ADGRL3: variants seen among roughly 807,000 people sequenced by gnomAD.
The protein encoded by ADGRL3 is adhesion G protein-coupled receptor L3, also known as calcium-independent alpha-latrotoxin receptor 3.
In ADGRL3, 62 loss-of-function variants were observed where a neutral mutation model predicts 153.5. The observed-to-expected ratio is 0.40, with a 90% CI of 0.33 to 0.50. The LOEUF is 0.50. Ranked by LOEUF, ADGRL3 falls within the 20% of genes least tolerant of loss-of-function variation. The pLI, the probability that ADGRL3 is intolerant of heterozygous loss-of-function variation, is 0.47. For synonymous variants in ADGRL3, 710 were observed against 672.5 expected (o/e 1.06, Z -0.86); for missense variants, 1,641 against 1,859.4 (o/e 0.88, Z 2.16).
At chr4:61,506,528 G>T (rs987015633) in intron 3 of ADGRL3, among the ~76,000 whole-genome samples, 1 of 152,018 alleles carries the variant, frequency 6.6e-6, no homozygotes, top group Non-Finnish European at 1.5e-5. Context: ...AACATCTTAA[G>T]CTTAGATCAG....
chr4:61,491,891 A>G (rs2098261948), intron 2 of ADGRL3, among the ~76,000 whole-genome samples: 1 of 152,162 alleles, frequency 6.6e-6, no homozygotes, highest in Non-Finnish European at 1.5e-5. Flanking sequence ...ATGGTTTTAA[A>G]TTTTTCAAAT....
intron 6 of ADGRL3, among the ~76,000 whole-genome samples, chr4:61,714,396 A>C (rs1054058634): frequency 2.0e-5 from 3 of 152,142 alleles, no homozygotes; most frequent in African/African-American, 7.2e-5. Flanking sequence ...ACACACACAT[A>C]TTTAGCAGAT....
intron 1 of ADGRL3, among the ~76,000 whole-genome samples, chr4:61,241,122 G>C (rs926349558): frequency 1.3e-5 from 2 of 151,844 alleles, no homozygotes; most frequent in African/African-American, 4.8e-5. Flanking sequence ...GATTTATAGC[G>C]AAGGTATAAA....
chr4:61,409,062 G>A (rs2097045751), intron 2 of ADGRL3, among the ~76,000 whole-genome samples: 2 of 150,470 alleles, frequency 1.3e-5, no homozygotes, highest in Non-Finnish European at 3.0e-5. Context: ...TTCTGCCCCA[G>A]GACTATCTCT....
At chr4:62,021,695 A>G (rs1055085484) in intron 21 of ADGRL3, among the ~76,000 whole-genome samples, 2 of 152,080 alleles carry the variant, frequency 1.3e-5, no homozygotes, top group African/African-American at 4.8e-5. Flanking sequence ...CAATATATCA[A>G]ACTTTTTCAT....
intron 2 of ADGRL3, among the ~76,000 whole-genome samples, chr4:61,436,389 G>A (rs2097445723): frequency 6.6e-6 from 1 of 152,116 alleles, no homozygotes; most frequent in Non-Finnish European, 1.5e-5. Context: ...ATTTATGTCA[G>A]CTGAAAACAT....
At chr4:61,371,393 G>T (rs1365865243) in intron 1 of ADGRL3, among the ~76,000 whole-genome samples, 4 of 151,842 alleles carry the variant, frequency 2.6e-5, no homozygotes, top group African/African-American at 7.3e-5. Context: ...CATGTGTAGC[G>T]CTTCCTTCAG....
At chr4:62,021,457 A>G (rs903836747) in intron 21 of ADGRL3, among the ~76,000 whole-genome samples, 1 of 152,172 alleles carries the variant, frequency 6.6e-6, no homozygotes, top group Non-Finnish European at 1.5e-5. Context: ...ATTAATAAAT[A>G]ATCATGGAAT....
At chr4:61,455,936 C>T (rs1046042218) in intron 2 of ADGRL3, among the ~76,000 whole-genome samples, 31 of 152,094 alleles carry the variant, frequency 2.0e-4, no homozygotes, top group African/African-American at 7.0e-4. Flanking sequence ...CCACCTCAGC[C>T]TCCCAAGTAG....
intron 1 of ADGRL3, among the ~76,000 whole-genome samples, chr4:61,293,726 A>G (rs1011301820): frequency 3.3e-5 from 5 of 152,190 alleles, no homozygotes; most frequent in Admixed American, 2.0e-4. Context: ...TAATAAGCTA[A>G]TCCAACTACA....
intron 8 of ADGRL3, among the ~76,000 whole-genome samples, chr4:61,771,888 A>ATTCTTCTATT (rs1166777244): frequency 6.6e-6 from 1 of 152,234 alleles, no homozygotes; most frequent in African/African-American, 2.4e-5. Context: ...AGAATGACAC[A>ATTCTTCTATT]TGTAGACAAA....
At chr4:61,999,823 A>G (rs1268794582) in intron 21 of ADGRL3, among the ~76,000 whole-genome samples, 1 of 152,208 alleles carries the variant, frequency 6.6e-6, no homozygotes, top group African/African-American at 2.4e-5. Context: ...TAAAAAAGAT[A>G]ACCAAGGAAT....
chr4:61,733,698 AG>A lies in ADGRL3; in HGVS notation c.1399+146del. ...TGTTCTTTGTCTTTGCATCTAAAGA[AG>A]GTTGCTGCTGATCACTTTCAGCTAT... is the stretch of plus-strand genomic sequence containing the variant. On this transcript the variant is annotated intron_variant, in intron 8 of 26. Coordinates refer to ENST00000683033, the MANE Select transcript of ADGRL3 (RefSeq NM_001387552.1). 1.1e-5 allele frequency: 7 copies of A among 647,984 alleles called. No homozygotes were observed. In the South Asian group the frequency reaches 1.4e-4, roughly 13 times the overall value. The allele number at this position is 647,984 out of a possible 1,614,324, so 40.1% of individuals were successfully genotyped here.
intron 23 of ADGRL3, among the ~76,000 whole-genome samples, chr4:62,032,812 T>A (rs1168920305): frequency 6.6e-6 from 1 of 151,548 alleles, no homozygotes; most frequent in East Asian, 1.9e-4. Context: ...CTAAAATGTG[T>A]TGACATGATC....
At chr4:61,918,916 CGT>C (rs961466672) in intron 13 of ADGRL3, among the ~76,000 whole-genome samples, 87 of 152,276 alleles carry the variant, frequency 5.7e-4, no homozygotes, top group African/African-American at 2.0e-3. Flanking sequence ...GTTTTACTTG[CGT>C]GCCTTTGGTG....
chr4:61,792,786 C>A (rs1300532370), intron 8 of ADGRL3, among the ~76,000 whole-genome samples: 1 of 152,072 alleles, frequency 6.6e-6, no homozygotes, highest in Non-Finnish European at 1.5e-5. Context: ...CAGTGCCTGG[C>A]CACTTTCCCA....
chr4:61,525,457 G>A (rs1205141183), intron 4 of ADGRL3, among the ~76,000 whole-genome samples: 4 of 152,122 alleles, frequency 2.6e-5, no homozygotes, highest in Non-Finnish European at 5.9e-5. Context: ...TACCTTAGAA[G>A]GGGGTCTTAA....
In ADGRL3 at chr4:61,811,657, A is replaced by G. The variant is rs557313579; in HGVS notation, c.1400-2152A>G. Among the ~76,000 whole-genome samples, 8 of 152,300 alleles carry G rather than the reference A, an allele frequency of 5.3e-5. No individual in the cohort carries two copies. In the South Asian group the frequency reaches 1.4e-3, roughly 28 times the overall value. On this transcript the variant is annotated intron_variant, in intron 8 of 26. Coordinates refer to ENST00000683033, the MANE Select transcript of ADGRL3 (RefSeq NM_001387552.1). ...TGTGAATTATGCTTAATTCAGATAT[A>G]TATACATATGGATGTAGTGTGTCTA...
chr4:61,768,280 G>T (rs1248920682), intron 8 of ADGRL3, among the ~76,000 whole-genome samples: 1 of 152,092 alleles, frequency 6.6e-6, no homozygotes, highest in African/African-American at 2.4e-5. Flanking sequence ...GCAATAAAAA[G>T]ATTACAGGGT....
Sources: allele counts gnomAD v4.1 joint callset (sites outside exome capture counted in the v4.1 genomes callset), GRCh38; gene constraint gnomAD v4.1.1; transcripts MANE v1.5; gene names NCBI Gene and HGNC (gene_info 2026-07-23, HGNC 2026-07-21).